Variants in PRDM5 observed in about 807,000 individuals in gnomAD.
PRDM5 encodes the protein PR/SET domain 5.
A neutral mutation model predicts 81.2 loss-of-function variants in PRDM5; 56 were observed. The ratio of observed to expected loss-of-function variants is 0.69; its 90% CI spans 0.56 to 0.86. PRDM5 has a LOEUF of 0.86. Ranked by LOEUF, PRDM5 falls within the 40% of genes least tolerant of loss-of-function variation. PRDM5 has a pLI of 0.00. For missense variants in PRDM5, 697 were observed against 770.1 expected, an observed-to-expected ratio of 0.91 and a Z score of 1.12; for synonymous variants, 267 against 256.4, an observed-to-expected ratio of 1.04 and a Z score of -0.39.
intron 14 of PRDM5, among the ~76,000 whole-genome samples, chr4:120,728,525 T>C (rs1300695637): frequency 1.3e-5 from 2 of 152,164 alleles, no homozygotes; most frequent in Non-Finnish European, 2.9e-5. Flanking sequence ...GAATATACAA[T>C]ATTCATAAAA....
At chr4:120,799,875 T>C in intron 8 of PRDM5, 130 bp from the exon 9 acceptor site, 2 of 1,465,134 alleles carry the variant, frequency 1.4e-6, no homozygotes, top group Non-Finnish European at 9.1e-7. Flanking sequence ...AATTCAGCCC[T>C]AATTTGTTCA....
intron 14 of PRDM5, among the ~76,000 whole-genome samples, chr4:120,733,492 C>T (rs1740579362): frequency 6.6e-6 from 1 of 152,222 alleles, no homozygotes; most frequent in African/African-American, 2.4e-5. Context: ...CAGACTCATA[C>T]TTTCTGATCC....
intron 2 of PRDM5, among the ~76,000 whole-genome samples, chr4:120,869,264 C>A (rs1000463812): frequency 6.6e-6 from 1 of 152,068 alleles, no homozygotes; most frequent in African/African-American, 2.4e-5. Context: ...TTATTCAAGT[C>A]CATGAACATT....
intron 3 of PRDM5, among the ~76,000 whole-genome samples, chr4:120,835,378 C>CTA (rs1757225513): frequency 6.6e-6 from 1 of 152,132 alleles, no homozygotes; most frequent in Non-Finnish European, 1.5e-5. Context: ...ACATGTGTGC[C>CTA]TATGCCTGTG....
intron 10 of PRDM5, among the ~76,000 whole-genome samples, chr4:120,791,549 C>A (rs908933369): frequency 6.6e-6 from 1 of 152,172 alleles, no homozygotes; most frequent in African/African-American, 2.4e-5. Flanking sequence ...TAGAATACTT[C>A]GCTTGAAAAC....
intron 14 of PRDM5, among the ~76,000 whole-genome samples, chr4:120,744,129 C>T (rs940039050): frequency 2.0e-5 from 3 of 152,240 alleles, no homozygotes; most frequent in African/African-American, 4.8e-5. Context: ...AAGAATCTCA[C>T]TCAAAACCGC....
At chr4:120,835,779 C>T (rs889296894) in intron 3 of PRDM5, among the ~76,000 whole-genome samples, 5 of 151,510 alleles carry the variant, frequency 3.3e-5, no homozygotes, top group African/African-American at 1.2e-4. Flanking sequence ...GGAACTCGCA[C>T]ATTTAATAGC....
At chr4:120,748,501 G>A (rs1305628256) in intron 14 of PRDM5, among the ~76,000 whole-genome samples, 2 of 151,966 alleles carry the variant, frequency 1.3e-5, no homozygotes, top group African/African-American at 2.4e-5. Context: ...AAACAGCCAG[G>A]CATTGTGGTG....
chr4:120,920,741 A>C (rs1192857040), intron 1 of PRDM5, among the ~76,000 whole-genome samples: 9 of 152,232 alleles, frequency 5.9e-5, no homozygotes, highest in African/African-American at 1.9e-4. Context: ...CTGCACATTC[A>C]CTTTGAAATA....
chr4:120,804,533 AG>A (rs1319163949), intron 8 of PRDM5, among the ~76,000 whole-genome samples: 3 of 152,246 alleles, frequency 2.0e-5, no homozygotes, highest in Non-Finnish European at 2.9e-5. Flanking sequence ...ACTAGAACTC[AG>A]CATTAAGAAA....
In PRDM5 at chr4:120,777,198, C is replaced by A. The variant is rs181473034; in HGVS notation, c.1527G>T (p.Arg509=). ...ASSGTLRVHI[R]SHTGERPYQC... is the part of the protein sequence containing the mutation. The stretch of plus-strand genomic sequence containing the variant: ...TTACAATCTCCATACCTGTGTGGCT[C>A]CGGATATGAACTCTGAGTGTACCAC... The change falls in exon 13 of 16, where the codon CGG becomes CGT. Residue 509 remains arginine (R), a synonymous_variant. Coordinates refer to ENST00000264808, the MANE Select transcript of PRDM5 (RefSeq NM_018699.4). 1.2e-5 allele frequency: 19 copies of A among 1,613,310 alleles called. No individual in the cohort carries two copies. The African/African-American group carries it at 2.5e-4, about 22-fold the overall frequency.
At chr4:120,893,107 A>G (rs551766312) in intron 2 of PRDM5, among the ~76,000 whole-genome samples, 1 of 152,306 alleles carries the variant, frequency 6.6e-6, no homozygotes, top group East Asian at 1.9e-4. Context: ...CCCATGAAAA[A>G]CATCCTGACG....
At chr4:120,892,667 G>A (rs758149558) in intron 2 of PRDM5, among the ~76,000 whole-genome samples, 2 of 150,630 alleles carry the variant, frequency 1.3e-5, no homozygotes, top group Admixed American at 6.6e-5. Flanking sequence ...TCTAATGGGT[G>A]TGGCTCATCT....
At chr4:120,782,927 T>C (rs1011104221) in intron 11 of PRDM5, among the ~76,000 whole-genome samples, 2 of 152,124 alleles carry the variant, frequency 1.3e-5, no homozygotes, top group Non-Finnish European at 2.9e-5. Flanking sequence ...AAGGAAGTTC[T>C]TACCTTCCTT....
intron 2 of PRDM5, among the ~76,000 whole-genome samples, chr4:120,894,093 T>C (rs1764358066): frequency 6.6e-6 from 1 of 152,222 alleles, no homozygotes; most frequent in Admixed American, 6.5e-5. Flanking sequence ...CAGTTGTCTT[T>C]CTCCTCATTC....
chr4:120,777,200 G>A lies in PRDM5; in HGVS notation c.1525C>T (p.Arg509Trp), dbSNP rs776012686. ...ASSGTLRVHI[R>W]SHTGERPYQC... ...ACAATCTCCATACCTGTGTGGCTCC[G>A]GATATGAACTCTGAGTGTACCACTG... Residue 509 changes from arginine to tryptophan, a missense_variant, in exon 13 of 16, where the codon CGG becomes TGG. By Grantham distance (101) the Arg-to-Trp change is moderately radical. This residue lies in a region of PRDM5 where 86 missense variants were observed against 135.2 expected (regional missense o/e 0.64). Coordinates refer to ENST00000264808, the MANE Select transcript of PRDM5 (RefSeq NM_018699.4). 9.9e-6 allele frequency: 16 copies of A among 1,613,168 alleles called. No homozygotes were observed. The highest frequency in any genetic ancestry group is 4.4e-5 in the South Asian group (4 of 91,066).
chr4:120,828,718 C>T (rs1463345926), intron 3 of PRDM5, among the ~76,000 whole-genome samples: 4 of 151,970 alleles, frequency 2.6e-5, no homozygotes, highest in Non-Finnish European at 5.9e-5. Context: ...AACTTTGTGG[C>T]CTCAGTCTCA....
At chr4:120,702,458 G>GCT (rs1348381852) in intron 15 of PRDM5, among the ~76,000 whole-genome samples, 3 of 152,128 alleles carry the variant, frequency 2.0e-5, no homozygotes, top group Admixed American at 6.6e-5. Flanking sequence ...CTCTCATAGC[G>GCT]GCCTTTACTT....
intron 14 of PRDM5, among the ~76,000 whole-genome samples, chr4:120,748,787 C>T (rs929107158): frequency 2.0e-5 from 3 of 152,044 alleles, no homozygotes; most frequent in Non-Finnish European, 4.4e-5. Flanking sequence ...AATGCCAGTG[C>T]CCTGAGGGTG....
Sources: gnomAD v4.1 joint callset for allele counts (sites outside exome capture counted in the v4.1 genomes callset) on GRCh38, gnomAD v4.1.1 for gene constraint, gnomAD v4.1.1 regional missense constraint, MANE v1.5 for transcripts, NCBI Gene and HGNC (gene_info 2026-07-23, HGNC 2026-07-21) for gene names.